Variants in CD200R1 observed in about 807,000 individuals in gnomAD.
The protein encoded by CD200R1 is CD200 receptor 1.
Under a neutral mutation model 38.1 loss-of-function variants are expected in CD200R1, and 30 were observed. The observed-to-expected ratio is 0.79, with a 90% CI of 0.59 to 1.07. The LOEUF (loss-of-function observed/expected upper bound fraction) is 1.07, where lower values mean the gene tolerates loss of function less well. CD200R1 is among the 50% of genes least tolerant of loss of function. The pLI is 0.00. For missense variants in CD200R1, 372 were observed against 415.4 expected, an observed-to-expected ratio of 0.90 and a Z score of 0.91; for synonymous variants, 128 against 152.1, an observed-to-expected ratio of 0.84 and a Z score of 1.16.
At chr3:112,949,039 G>A (rs1386214710) in intron 1 of CD200R1, among the ~76,000 whole-genome samples, 1 of 152,158 alleles carries the variant, frequency 6.6e-6, no homozygotes, top group Middle Eastern at 3.2e-3. Flanking sequence ...TTTTTAGCTG[G>A]ATCTAAGTAC....
intron 1 of CD200R1, among the ~76,000 whole-genome samples, chr3:112,964,091 C>T (rs1029638133): frequency 1.3e-5 from 2 of 152,308 alleles, no homozygotes; most frequent in Admixed American, 1.3e-4. Context: ...GTTTGGGAAC[C>T]TCTGCCTAGA....
chr3:112,957,745 A>G (rs1000924026), intron 1 of CD200R1, among the ~76,000 whole-genome samples: 1 of 152,214 alleles, frequency 6.6e-6, no homozygotes, highest in South Asian at 2.1e-4. Flanking sequence ...CATATCTAAC[A>G]AAAGACTGCT....
chr3:112,954,188 G>A (rs961633023), intron 1 of CD200R1, among the ~76,000 whole-genome samples: 4 of 152,004 alleles, frequency 2.6e-5, no homozygotes, highest in African/African-American at 9.7e-5. Context: ...TGGCCAATTG[G>A]TTGTTCAGGA....
At chr3:112,947,154 C>T (rs1013694122) in intron 2 of CD200R1, among the ~76,000 whole-genome samples, 1 of 152,140 alleles carries the variant, frequency 6.6e-6, no homozygotes, top group Non-Finnish European at 1.5e-5. Context: ...AGAATAGAGA[C>T]GATTTTTAGG....
chr3:112,948,103 T>A (rs1401877933), intron 1 of CD200R1, among the ~76,000 whole-genome samples, 179 bp from the exon 2 acceptor site: 1 of 152,166 alleles, frequency 6.6e-6, no homozygotes, highest in Non-Finnish European at 1.5e-5. Flanking sequence ...CAGTATAAAC[T>A]TTTGACTTTC....
chr3:112,952,517 T>C (rs1940988748), intron 1 of CD200R1, among the ~76,000 whole-genome samples: 1 of 152,130 alleles, frequency 6.6e-6, no homozygotes, highest in African/African-American at 2.4e-5. Context: ...ATCATCATTC[T>C]CAGTAAACTA....
At chr3:112,952,057 A>G (rs992570413) in intron 1 of CD200R1, among the ~76,000 whole-genome samples, 3 of 137,156 alleles carry the variant, frequency 2.2e-5, no homozygotes, top group Non-Finnish European at 3.3e-5. Flanking sequence ...AAAAAAAAAA[A>G]GAGAGAAAAA....
intron 1 of CD200R1, among the ~76,000 whole-genome samples, chr3:112,967,495 C>A (rs77206361): frequency 6.6e-6 from 1 of 152,182 alleles, no homozygotes; most frequent in Non-Finnish European, 1.5e-5. Context: ...TATGCACTTG[C>A]GCATTGTTTA....
Position 112,933,873 on chromosome 3 carries a change from G to T in CD200R1, c.137-2702C>A, listed in dbSNP as rs1198566739. Reference sequence around the variant, plus strand: ...ATTTTTCAACAACAGCATAGAAAACGTAGAGGAAAGGATTTCTGAACTTGA... The same window carrying T: ...ATTTTTCAACAACAGCATAGAAAACTTAGAGGAAAGGATTTCTGAACTTGA... On this transcript the variant is annotated intron_variant, in intron 2 of 7. Coordinates refer to ENST00000308611, the MANE Select transcript of CD200R1 (RefSeq NM_138806.4). 3.3e-5 allele frequency among the ~76,000 whole-genome samples: 5 copies of T among 151,962 alleles called. No homozygotes were observed. The South Asian group carries it at 6.2e-4, about 19-fold the overall frequency.
At chr3:112,947,070 C>T (rs1940881511) in intron 2 of CD200R1, among the ~76,000 whole-genome samples, 1 of 152,072 alleles carries the variant, frequency 6.6e-6, no homozygotes, top group South Asian at 2.1e-4. Context: ...ATATGACACT[C>T]TGGAAAAGAC....
intron 7 of CD200R1, 98 bp downstream of exon 7, chr3:112,924,392 A>G: frequency 1.1e-6 from 1 of 951,264 alleles, no homozygotes; most frequent in East Asian, 3.3e-5. Context: ...TTAGTTTTTC[A>G]ACTGAAACAC....
At chr3:112,936,745 T>C (rs1940592823) in intron 2 of CD200R1, among the ~76,000 whole-genome samples, 2 of 152,234 alleles carry the variant, frequency 1.3e-5, no homozygotes, top group Non-Finnish European at 2.9e-5. Flanking sequence ...TCCCATTCTG[T>C]AGGTTGTCTG....
intron 2 of CD200R1, among the ~76,000 whole-genome samples, chr3:112,945,577 T>C (rs760157448): frequency 1.3e-5 from 2 of 152,092 alleles, no homozygotes; most frequent in African/African-American, 2.4e-5. Context: ...GTGTCCTAAA[T>C]ATAAAAATGC....
intron 1 of CD200R1, among the ~76,000 whole-genome samples, chr3:112,952,601 A>C (rs1172895614): frequency 6.6e-6 from 1 of 152,070 alleles, no homozygotes; most frequent in African/African-American, 2.4e-5. Flanking sequence ...ACACATGGAC[A>C]CAGGAAGGGG....
At chr3:112,944,740 T>C (rs1940807656) in intron 2 of CD200R1, among the ~76,000 whole-genome samples, 1 of 152,070 alleles carries the variant, frequency 6.6e-6, no homozygotes, top group Non-Finnish European at 1.5e-5. Flanking sequence ...ATGTAAAGCA[T>C]CTGAAAGAAT....
intron 5 of CD200R1, among the ~76,000 whole-genome samples, chr3:112,926,108 C>T (rs770063624): frequency 5.9e-5 from 9 of 152,104 alleles, no homozygotes; most frequent in Admixed American, 2.6e-4. Flanking sequence ...CATCTTTCTC[C>T]CAGGGCATTG....
chr3:112,943,813 A>G (rs564439668), intron 2 of CD200R1, among the ~76,000 whole-genome samples: 1 of 151,870 alleles, frequency 6.6e-6, no homozygotes, highest in Non-Finnish European at 1.5e-5. Flanking sequence ...TGATAATAAC[A>G]GAATACTATG....
intron 2 of CD200R1, among the ~76,000 whole-genome samples, chr3:112,938,810 AACCAGATAAG>A (rs1940646639): frequency 6.6e-6 from 1 of 152,100 alleles, no homozygotes; most frequent in Non-Finnish European, 1.5e-5. Flanking sequence ...GTGATACAAA[AACCAGATAAG>A]ACACAGCAAA....
At position 112,922,664 on chromosome 3, in the gene CD200R1, C is replaced by T. The variant is rs1940196496; in HGVS notation, c.*1013G>A. Reference sequence around the variant, plus strand: ...AAGCTAATGTTCTCACACGTGCATTCACTCTCTTACAAACATGACCAAAAA... The same window carrying T: ...AAGCTAATGTTCTCACACGTGCATTTACTCTCTTACAAACATGACCAAAAA... On this transcript the variant is annotated 3_prime_UTR_variant, in exon 8 of 8. Coordinates refer to ENST00000308611, the MANE Select transcript of CD200R1 (RefSeq NM_138806.4). The T allele has an allele frequency of 6.6e-6, 1 of 151,966 alleles. No individual in the cohort carries two copies. The highest frequency in any genetic ancestry group is 6.6e-5 in the Admixed American group (1 of 15,208). 9.4% of individuals were successfully genotyped at this position (151,966 alleles called of 1,614,324 possible).
Sources: allele counts gnomAD v4.1 joint callset (sites outside exome capture counted in the v4.1 genomes callset), GRCh38; gene constraint gnomAD v4.1.1; transcripts MANE v1.5; gene names NCBI Gene and HGNC (gene_info 2026-07-23, HGNC 2026-07-21).